Variants in RALGPS2 observed in about 807,000 individuals in gnomAD.
The protein encoded by RALGPS2 is Ral GEF with PH domain and SH3 binding motif 2.
RALGPS2 carries 43 observed loss-of-function variants against 86.8 expected under a neutral mutation model. The ratio of observed to expected loss-of-function variants is 0.50; its 90% CI spans 0.39 to 0.64. The LOEUF (loss-of-function observed/expected upper bound fraction) is 0.64, where lower values mean the gene tolerates loss of function less well. Among genes scored for constraint, RALGPS2 ranks in the 30% least tolerant of loss-of-function variants. The pLI is 0.00. For synonymous variants in RALGPS2, 243 were observed against 231.3 expected (o/e 1.05, Z -0.46); for missense variants, 536 against 694.6 (o/e 0.77, Z 2.57).
chr1:178,909,774 C>T (rs931032799), intron 19 of RALGPS2, among the ~76,000 whole-genome samples: 2 of 151,048 alleles, frequency 1.3e-5, no homozygotes, highest in Admixed American at 6.6e-5. Flanking sequence ...CTCAGTCTCC[C>T]GAGTAGCTGG....
At chr1:178,848,162 T>C (rs1456358862) in intron 8 of RALGPS2, among the ~76,000 whole-genome samples, 1 of 151,676 alleles carries the variant, frequency 6.6e-6, no homozygotes, top group Non-Finnish European at 1.5e-5. Flanking sequence ...AATACGAAAA[T>C]TAGCTGGGCA....
At chr1:178,773,756 A>G (rs1032743725) in intron 1 of RALGPS2, among the ~76,000 whole-genome samples, 57 of 151,134 alleles carry the variant, frequency 3.8e-4, no homozygotes, top group Non-Finnish European at 4.6e-4. Context: ...AGATCCCGCC[A>G]CTGCACTCCA....
At chr1:178,837,175 C>G (rs1656321507) in intron 8 of RALGPS2, among the ~76,000 whole-genome samples, 1 of 152,188 alleles carries the variant, frequency 6.6e-6, no homozygotes, top group Non-Finnish European at 1.5e-5. Context: ...CTGAATCTGT[C>G]TAACTTTGTA....
intron 6 of RALGPS2, among the ~76,000 whole-genome samples, chr1:178,813,880 A>G (rs1655106571): frequency 6.6e-6 from 1 of 152,240 alleles, no homozygotes; most frequent in Non-Finnish European, 1.5e-5. Flanking sequence ...TCTTCATGAC[A>G]ACACCTAGAT....
intron 3 of RALGPS2, among the ~76,000 whole-genome samples, chr1:178,784,917 C>A (rs1653576372): frequency 1.3e-5 from 2 of 152,044 alleles, no homozygotes; most frequent in Admixed American, 1.3e-4. Flanking sequence ...TGAAAGGTAT[C>A]TAGAAAAACA....
chr1:178,757,883 T>C (rs1316177209), intron 1 of RALGPS2, among the ~76,000 whole-genome samples: 1 of 152,180 alleles, frequency 6.6e-6, no homozygotes, highest in Non-Finnish European at 1.5e-5. Flanking sequence ...TTTTTCTTTG[T>C]ATGTCTGGTA....
chr1:178,916,392 C>T lies in RALGPS2; in HGVS notation c.*33C>T. ...AGAAAAAAAGAGAGGTGAACTGTTG[C>T]TTCTACGTGAGCATGAGGACCTGAT... On this transcript the variant is annotated 3_prime_UTR_variant, in exon 20 of 20. Coordinates refer to ENST00000367635, the MANE Select transcript of RALGPS2 (RefSeq NM_152663.5). 1 of 1,579,012 alleles carries T rather than the reference C, an allele frequency of 6.3e-7. No homozygotes were observed.
intron 8 of RALGPS2, among the ~76,000 whole-genome samples, chr1:178,837,952 G>A (rs115116903): frequency 0.03 from 4,616 of 152,146 alleles, 229 homozygotes; most frequent in African/African-American, 0.1. Flanking sequence ...ATCTGAGATC[G>A]AATTGCAAGG....
chr1:178,898,302 T>G (rs1048954690), intron 17 of RALGPS2, among the ~76,000 whole-genome samples: 6 of 152,024 alleles, frequency 3.9e-5, no homozygotes, highest in African/African-American at 1.4e-4. Flanking sequence ...GTTGCATTAA[T>G]AAAATCTGAG....
intron 1 of RALGPS2, among the ~76,000 whole-genome samples, chr1:178,733,216 A>C (rs1024458197): frequency 1.3e-5 from 2 of 152,194 alleles, no homozygotes; most frequent in South Asian, 2.1e-4. Context: ...CCAGAAAAGA[A>C]AAGACTGTAT....
At chr1:178,760,687 T>C (rs990454450) in intron 1 of RALGPS2, among the ~76,000 whole-genome samples, 1 of 152,186 alleles carries the variant, frequency 6.6e-6, no homozygotes. Context: ...CCTTTATACA[T>C]GATCTGACCT....
At chr1:178,893,181 A>G (rs140741648) in intron 15 of RALGPS2, among the ~76,000 whole-genome samples, 80 of 151,768 alleles carry the variant, frequency 5.3e-4, no homozygotes, top group African/African-American at 1.8e-3. Flanking sequence ...ATCATTAATT[A>G]TTGTATTAAA....
intron 1 of RALGPS2, among the ~76,000 whole-genome samples, chr1:178,731,677 A>G (rs1650372151): frequency 6.6e-6 from 1 of 152,138 alleles, no homozygotes; most frequent in Non-Finnish European, 1.5e-5. Context: ...TTTTGTCTTC[A>G]GTATATCTGC....
At chr1:178,867,105 T>A (rs1658462847) in intron 8 of RALGPS2, among the ~76,000 whole-genome samples, 1 of 152,140 alleles carries the variant, frequency 6.6e-6, no homozygotes, top group Non-Finnish European at 1.5e-5. Context: ...AAGTACCTGT[T>A]TCTTGATTTA....
At chr1:178,877,247 A>G (rs1225339908) in intron 8 of RALGPS2, among the ~76,000 whole-genome samples, 2 of 152,130 alleles carry the variant, frequency 1.3e-5, no homozygotes, top group African/African-American at 4.8e-5. Context: ...ATACTTGAAA[A>G]TGAAATCACA....
At chr1:178,838,889 C>T (rs985528285) in intron 8 of RALGPS2, among the ~76,000 whole-genome samples, 3 of 151,990 alleles carry the variant, frequency 2.0e-5, no homozygotes, top group Non-Finnish European at 4.4e-5. Flanking sequence ...GTAGCCTATT[C>T]GATCAACTGG....
chr1:178,735,375 A>G (rs1415899665), intron 1 of RALGPS2, among the ~76,000 whole-genome samples: 1 of 151,978 alleles, frequency 6.6e-6, no homozygotes, highest in Non-Finnish European at 1.5e-5. Flanking sequence ...GGTAAGAGGA[A>G]CAACAAAGAG....
intron 7 of RALGPS2, among the ~76,000 whole-genome samples, chr1:178,824,385 G>A (rs1258801784): frequency 6.6e-6 from 1 of 152,104 alleles, no homozygotes; most frequent in Non-Finnish European, 1.5e-5. Flanking sequence ...ATGGCAATAT[G>A]TTTTATGTTG....
intron 1 of RALGPS2, among the ~76,000 whole-genome samples, chr1:178,774,755 T>G (rs758748055): frequency 1.3e-5 from 2 of 152,250 alleles, no homozygotes; most frequent in Non-Finnish European, 2.9e-5. Flanking sequence ...ACTTCATGAT[T>G]TTGAATATAT....
Sources: gnomAD v4.1 joint callset for allele counts (sites outside exome capture counted in the v4.1 genomes callset) on GRCh38, gnomAD v4.1.1 for gene constraint, MANE v1.5 for transcripts, NCBI Gene and HGNC (gene_info 2026-07-23, HGNC 2026-07-21) for gene names.